Variants in ANKS1B observed in about 807,000 individuals in gnomAD.
ANKS1B encodes ankyrin repeat and sterile alpha motif domain containing 1B.
Under a neutral mutation model 148.3 loss-of-function variants are expected in ANKS1B, and 36 were observed. The observed-to-expected ratio is 0.24, with a 90% CI of 0.19 to 0.32. The LOEUF is 0.32. ANKS1B is among the 10% of genes least tolerant of loss of function. The pLI, the probability that ANKS1B is intolerant of heterozygous loss-of-function variation, is 1.00. For missense variants in ANKS1B, 1,157 were observed against 1,542.6 expected (o/e 0.75, Z 4.19); for synonymous variants, 542 against 560.8 (o/e 0.97, Z 0.47).
At chr12:99,712,773 G>T (rs1483029686) in intron 8 of ANKS1B, among the ~76,000 whole-genome samples, 1 of 152,098 alleles carries the variant, frequency 6.6e-6, no homozygotes, top group African/African-American at 2.4e-5. Context: ...GGGAAAAAGG[G>T]GTCACTATTC....
chr12:98,846,060 T>A lies in ANKS1B; in HGVS notation c.2779-13924A>T, dbSNP rs142937913. ...TATGTATATTTTGTTCTTTCCTGCC[T>A]AAGGGTGGTTTATTGACAGTCTTTA... On this transcript the variant is annotated intron_variant, in intron 17 of 26. Coordinates refer to ENST00000683438, the MANE Select transcript of ANKS1B (RefSeq NM_001352186.2). Among the ~76,000 whole-genome samples the A allele has an allele frequency of 5.9e-5, 9 of 151,588 alleles. No homozygotes were observed. In the East Asian group the frequency reaches 1.8e-3, roughly 30 times the overall value.
Position 98,829,116 on chromosome 12 carries a change from A to C in ANKS1B, c.3066+58T>G. The C allele has an allele frequency of 6.3e-7, 1 of 1,597,164 alleles. No individual in the cohort carries two copies. Among genetic ancestry groups the C allele is most frequent in the South Asian group, 1.1e-5 (1 of 90,274 alleles). ...CATCCATAGGAAGCTACTGTTCACT[A>C]TTAAAAGGCATTACCTGATATGGTT... On this transcript the variant is annotated intron_variant, in intron 19 of 26. Coordinates refer to ENST00000683438, the MANE Select transcript of ANKS1B (RefSeq NM_001352186.2). The surrounding 1 kb of genome is among the most constrained non-coding windows in gnomAD (Gnocchi z 5.2).
intron 17 of ANKS1B, among the ~76,000 whole-genome samples, chr12:98,840,706 T>C (rs546523741): frequency 6.6e-6 from 1 of 152,194 alleles, no homozygotes; most frequent in African/African-American, 2.4e-5. Flanking sequence ...TACCTCTTGA[T>C]GAAGGTACTA....
intron 15 of ANKS1B, among the ~76,000 whole-genome samples, chr12:99,119,694 T>C (rs972389126): frequency 6.6e-6 from 1 of 152,196 alleles, no homozygotes; most frequent in Non-Finnish European, 1.5e-5. Context: ...CAAGTTGAAA[T>C]TGACACACAG....
intron 1 of ANKS1B, among the ~76,000 whole-genome samples, chr12:99,894,311 G>GGGAC: frequency 1.2e-5 from 1 of 85,990 alleles, no homozygotes; most frequent in Non-Finnish European, 2.7e-5. Context: ...GAGGGAGGGA[G>GGGAC]GGAGGGAGGG....
chr12:99,475,985 T>C (rs965570664), intron 10 of ANKS1B, among the ~76,000 whole-genome samples: 1 of 152,108 alleles, frequency 6.6e-6, no homozygotes, highest in Non-Finnish European at 1.5e-5. Context: ...AAAACAATAA[T>C]AATCTTAAAA....
At chr12:99,146,243 T>C (rs2073031922) in intron 15 of ANKS1B, among the ~76,000 whole-genome samples, 1 of 152,178 alleles carries the variant, frequency 6.6e-6, no homozygotes, top group Non-Finnish European at 1.5e-5. Context: ...TACTTTCTGT[T>C]AGGGGGATGG....
intron 12 of ANKS1B, among the ~76,000 whole-genome samples, chr12:99,293,037 A>C (rs1011700783): frequency 2.0e-5 from 3 of 152,200 alleles, no homozygotes; most frequent in African/African-American, 7.2e-5. Flanking sequence ...TGCTACTATA[A>C]AGACACATGC....
intron 22 of ANKS1B, among the ~76,000 whole-genome samples, chr12:98,784,295 G>A (rs1273494545): frequency 1.3e-5 from 2 of 152,122 alleles, no homozygotes; most frequent in Non-Finnish European, 2.9e-5. Context: ...CACACTTCAG[G>A]GGAAGATGAA....
chr12:99,648,762 G>A, intron 9 of ANKS1B: 1 of 1,612,598 alleles, frequency 6.2e-7, no homozygotes, highest in Non-Finnish European at 8.5e-7. Flanking sequence ...ACTCATCTGT[G>A]TTGGAGGAAG....
At chr12:99,316,596 A>C (rs1406704871) in intron 12 of ANKS1B, among the ~76,000 whole-genome samples, 1 of 152,104 alleles carries the variant, frequency 6.6e-6, no homozygotes, top group Non-Finnish European at 1.5e-5. Context: ...TAGGTTGTAA[A>C]AATGTTCTCC....
intron 2 of ANKS1B, among the ~76,000 whole-genome samples, chr12:99,819,517 T>A (rs1162470509): frequency 6.6e-6 from 1 of 151,720 alleles, no homozygotes; most frequent in Admixed American, 6.6e-5. Context: ...GATAATGAGA[T>A]CTAGCATGCA....
At chr12:98,846,471 C>T (rs2099470804) in intron 17 of ANKS1B, among the ~76,000 whole-genome samples, 1 of 152,250 alleles carries the variant, frequency 6.6e-6, no homozygotes. Context: ...TGCTGGTCAT[C>T]CCACCCTGGC....
chr12:98,809,694 C>T (rs1400896455), intron 19 of ANKS1B, among the ~76,000 whole-genome samples: 3 of 152,118 alleles, frequency 2.0e-5, no homozygotes, highest in Admixed American at 1.3e-4. Flanking sequence ...GTTCTACTGA[C>T]CCTGAAATGA....
chr12:99,530,221 G>A (rs1438794338), intron 9 of ANKS1B, among the ~76,000 whole-genome samples: 1 of 152,192 alleles, frequency 6.6e-6, no homozygotes, highest in African/African-American at 2.4e-5. Flanking sequence ...CATCAGTAAG[G>A]CTAGTGATGA....
intron 17 of ANKS1B, among the ~76,000 whole-genome samples, chr12:98,905,206 C>G (rs919716519): frequency 2.0e-5 from 3 of 152,138 alleles, no homozygotes; most frequent in Admixed American, 2.0e-4. Context: ...CTAAAAATTC[C>G]CATCTCCAAG....
At chr12:99,480,086 G>C (rs1274978314) in intron 10 of ANKS1B, among the ~76,000 whole-genome samples, 1 of 151,676 alleles carries the variant, frequency 6.6e-6, no homozygotes, top group Admixed American at 6.6e-5. Flanking sequence ...CTAGGACATA[G>C]AGTATACCCT....
At chr12:99,483,556 T>C (rs2096445536) in intron 10 of ANKS1B, among the ~76,000 whole-genome samples, 2 of 152,014 alleles carry the variant, frequency 1.3e-5, no homozygotes, top group South Asian at 4.1e-4. Context: ...CTTTTGGAAG[T>C]TTCAGTAGGA....
chr12:99,387,886 T>C (rs1290442342), intron 12 of ANKS1B, among the ~76,000 whole-genome samples: 1 of 151,820 alleles, frequency 6.6e-6, no homozygotes, highest in South Asian at 2.1e-4. Context: ...CCAAGTAGAT[T>C]AGATGCCAAG....
Sources: gnomAD v4.1 joint callset for allele counts (sites outside exome capture counted in the v4.1 genomes callset) on GRCh38, gnomAD v4.1.1 for gene constraint, Gnocchi (gnomAD v3.1) non-coding constraint, MANE v1.5 for transcripts, NCBI Gene and HGNC (gene_info 2026-07-23, HGNC 2026-07-21) for gene names.